ERBB4: variants seen among roughly 807,000 people sequenced by gnomAD.
ERBB4 encodes receptor tyrosine-protein kinase erbB-4.
Under a neutral mutation model 158.0 loss-of-function variants are expected in ERBB4, and 42 were observed. That is an observed-to-expected ratio of 0.27 (90% CI 0.21 to 0.34). The LOEUF (loss-of-function observed/expected upper bound fraction) is 0.34. Among genes scored for constraint, ERBB4 ranks in the 10% least tolerant of loss-of-function variants. The probability of loss-of-function intolerance (pLI) is 1.00; values close to 1 mark genes in which losing one functional copy is unlikely to be tolerated. For missense variants in ERBB4, 1,333 were observed against 1,624.1 expected (o/e 0.82, Z 3.08); for synonymous variants, 583 against 558.7 (o/e 1.04, Z -0.61).
intron 1 of ERBB4, among the ~76,000 whole-genome samples, chr2:212,134,965 C>T (rs543688665): frequency 6.6e-6 from 1 of 152,160 alleles, no homozygotes; most frequent in Non-Finnish European, 1.5e-5. Context: ...GGATTATAGG[C>T]GTGAGCCACC....
In ERBB4 at chr2:212,034,081, G is replaced by A. The variant is rs529865872; in HGVS notation, c.235-86465C>T. Among the ~76,000 whole-genome samples, 121 of 151,924 alleles carry A rather than the reference G, an allele frequency of 8.0e-4. 1 individual carries two copies. Among genetic ancestry groups the A allele is most frequent in the African/African-American group, 2.7e-3 (114 of 41,522 alleles). ...GTCTCTTAAAATCAGTAGGGGTTAT[G>A]AGCAAGTCTGAAGATAGTATACTTC... On this transcript the variant is annotated intron_variant, in intron 2 of 27. Coordinates refer to ENST00000342788, the MANE Select transcript of ERBB4 (RefSeq NM_005235.3).
chr2:211,497,662 G>T (rs532812918), intron 20 of ERBB4, among the ~76,000 whole-genome samples: 1 of 152,226 alleles, frequency 6.6e-6, no homozygotes, highest in Non-Finnish European at 1.5e-5. Context: ...GACAGGACTT[G>T]CTACAAGTGA....
At chr2:211,640,695 G>A (rs1008748936) in intron 16 of ERBB4, among the ~76,000 whole-genome samples, 1 of 152,160 alleles carries the variant, frequency 6.6e-6, no homozygotes, top group Non-Finnish European at 1.5e-5. Flanking sequence ...TTGTAAGATA[G>A]ATAAGCAGGA....
At chr2:212,448,634 C>A (rs531805812) in intron 1 of ERBB4, among the ~76,000 whole-genome samples, 1 of 152,178 alleles carries the variant, frequency 6.6e-6, no homozygotes, top group African/African-American at 2.4e-5. Context: ...GGTACATAAA[C>A]ATCAGGCATG....
chr2:211,893,086 G>A (rs926191134), intron 3 of ERBB4, among the ~76,000 whole-genome samples: 4 of 146,930 alleles, frequency 2.7e-5, no homozygotes, highest in African/African-American at 1.0e-4. Context: ...AACCAAAAAA[G>A]AGCCCGCATC....
At chr2:211,797,955 T>C (rs761021828) in intron 3 of ERBB4, among the ~76,000 whole-genome samples, 12 of 151,972 alleles carry the variant, frequency 7.9e-5, no homozygotes, top group Non-Finnish European at 1.3e-4. Flanking sequence ...TAGAAAGAAA[T>C]GGCTTTTTAG....
intron 5 of ERBB4, among the ~76,000 whole-genome samples, chr2:211,735,891 G>C (rs568721673): frequency 6.6e-6 from 1 of 151,796 alleles, no homozygotes; most frequent in Non-Finnish European, 1.5e-5. Flanking sequence ...AGTGGCTCAC[G>C]TCTGTAATCC....
intron 25 of ERBB4, among the ~76,000 whole-genome samples, chr2:211,419,053 T>C (rs1352998494): frequency 6.6e-6 from 1 of 152,084 alleles, no homozygotes; most frequent in Non-Finnish European, 1.5e-5. Context: ...ATGCATTTTA[T>C]AAGAAAACCA....
At chr2:212,467,794 T>C (rs1194333074) in intron 1 of ERBB4, among the ~76,000 whole-genome samples, 3 of 152,174 alleles carry the variant, frequency 2.0e-5, no homozygotes, top group Non-Finnish European at 4.4e-5. Flanking sequence ...GAATGGTAGA[T>C]CTGCTGACAG....
At chr2:211,385,320 T>C (rs77694228) in intron 27 of ERBB4, among the ~76,000 whole-genome samples, 18 of 152,248 alleles carry the variant, frequency 1.2e-4, no homozygotes, top group Non-Finnish European at 2.4e-4. Context: ...GTACAAGACT[T>C]ATTTTTCCAG....
intron 1 of ERBB4, among the ~76,000 whole-genome samples, chr2:212,434,700 T>A (rs2092099739): frequency 6.6e-6 from 1 of 151,960 alleles, no homozygotes; most frequent in Non-Finnish European, 1.5e-5. Flanking sequence ...TGTTCCATTC[T>A]CCTTCAATGT....
At chr2:212,498,587 G>A (rs1690710848) in intron 1 of ERBB4, among the ~76,000 whole-genome samples, 1 of 151,852 alleles carries the variant, frequency 6.6e-6, no homozygotes, top group Non-Finnish European at 1.5e-5. Context: ...AATACTTTTA[G>A]TCCAAGCAAT....
rs1434699453 is a variant in ERBB4, at chr2:211,444,617, T to C, written c.2488-13517A>G. Among the ~76,000 whole-genome samples, 7 of 152,220 alleles carry C rather than the reference T, an allele frequency of 4.6e-5. No homozygotes were observed. In the South Asian group the frequency reaches 8.3e-4, roughly 18 times the overall value. On this transcript the variant is annotated intron_variant, in intron 20 of 27. Transcript: ENST00000342788. ...GTTACAGGAGGAAAGACAAATTTTC[T>C]CTTGATCACTTTCTAGCTTATTGCA...
chr2:212,304,290 C>T (rs989451978), intron 1 of ERBB4, among the ~76,000 whole-genome samples: 2 of 151,484 alleles, frequency 1.3e-5, no homozygotes, highest in Admixed American at 6.6e-5. Flanking sequence ...AATTCTCTCC[C>T]AATTTCCCCT....
intron 4 of ERBB4, among the ~76,000 whole-genome samples, chr2:211,764,769 T>C (rs942973814): frequency 6.6e-6 from 1 of 152,088 alleles, no homozygotes; most frequent in Non-Finnish European, 1.5e-5. Flanking sequence ...CCAAAATATA[T>C]TAGAACACAC....
chr2:211,641,593 A>G lies in ERBB4; in HGVS notation c.1947-10999T>C, dbSNP rs559847918. On this transcript the variant is annotated intron_variant, in intron 16 of 27. Transcript: ENST00000342788. ...TGACATTAAATATTAAAGCTTAAAGAAAATTATTTAATTGAAAAAGACAAT... is the reference window on the plus strand; with the variant it reads ...TGACATTAAATATTAAAGCTTAAAGGAAATTATTTAATTGAAAAAGACAAT... Among the ~76,000 whole-genome samples, 91 of 152,256 alleles carry G rather than the reference A, an allele frequency of 6.0e-4. 1 individual carries two copies. Among genetic ancestry groups the G allele is most frequent in the Non-Finnish European group, 2.1e-4 (14 of 67,986 alleles).
At chr2:212,073,783 G>C (rs2078196641) in intron 2 of ERBB4, among the ~76,000 whole-genome samples, 1 of 151,642 alleles carries the variant, frequency 6.6e-6, no homozygotes, top group Non-Finnish European at 1.5e-5. Context: ...AAAAGATGGA[G>C]GCTATACTTA....
chr2:211,665,290 C>T (rs772944196), intron 15 of ERBB4, 33 bp downstream of exon 15: 3 of 1,611,086 alleles, frequency 1.9e-6, no homozygotes, highest in Admixed American at 1.7e-5. Context: ...ATAACACATA[C>T]CAGGTGAGCC....
At chr2:211,433,061 C>G (rs1373120658) in intron 20 of ERBB4, among the ~76,000 whole-genome samples, 10 of 152,120 alleles carry the variant, frequency 6.6e-5, no homozygotes, top group Non-Finnish European at 1.3e-4. Context: ...GGTAAAACTG[C>G]AGGCAAACAG....
Sources: allele counts gnomAD v4.1 joint callset (sites outside exome capture counted in the v4.1 genomes callset), GRCh38; gene constraint gnomAD v4.1.1; transcripts MANE v1.5; gene names NCBI Gene and HGNC (gene_info 2026-07-23, HGNC 2026-07-21).